The following SORCS2 variants were observed in gnomAD, a reference collection of about 807,000 sequenced individuals.
SORCS2 encodes the protein sortilin related VPS10 domain containing receptor 2, also known as VPS10 domain-containing receptor SorCS2.
Under a neutral mutation model 141.6 loss-of-function variants are expected in SORCS2, and 100 were observed. That is an observed-to-expected ratio of 0.71 (90% CI 0.60 to 0.83). The LOEUF (loss-of-function observed/expected upper bound fraction) is 0.83. Ranked by LOEUF, SORCS2 falls within the 40% of genes least tolerant of loss-of-function variation. The pLI is 0.00. For missense variants in SORCS2, 1,646 were observed against 1,560.2 expected (o/e 1.05, Z -0.93); for synonymous variants, 789 against 676.9 (o/e 1.17, Z -2.57).
At chr4:7,507,553 A>C (rs1732344500) in intron 2 of SORCS2, among the ~76,000 whole-genome samples, 1 of 152,240 alleles carries the variant, frequency 6.6e-6, no homozygotes, top group Admixed American at 6.5e-5. Context: ...AAACCAAAGA[A>C]AGAGAACTTG....
chr4:7,222,502 A>C (rs1296361708), intron 1 of SORCS2, among the ~76,000 whole-genome samples: 1 of 142,956 alleles, frequency 7.0e-6, no homozygotes, highest in African/African-American at 2.7e-5. Flanking sequence ...TGGGGGTGGT[A>C]GCTAACGGGC....
chr4:7,347,868 C>T (rs1455557981), intron 1 of SORCS2, among the ~76,000 whole-genome samples: 2 of 152,170 alleles, frequency 1.3e-5, no homozygotes, highest in East Asian at 3.8e-4. Flanking sequence ...TATGATCGCA[C>T]AATTAATGAG....
At chr4:7,674,671 G>A (rs1485280580) in intron 8 of SORCS2, among the ~76,000 whole-genome samples, 1 of 151,880 alleles carries the variant, frequency 6.6e-6, no homozygotes, top group Non-Finnish European at 1.5e-5. Flanking sequence ...AGGGCAGTGA[G>A]GGGAAGGGGC....
In SORCS2 at chr4:7,531,638, T is replaced by C. The variant is rs769233610; in HGVS notation, c.648+9T>C. 2.7e-4 allele frequency: 438 copies of C among 1,610,422 alleles called. No homozygotes were observed. The highest frequency in any genetic ancestry group is 3.3e-4 in the Non-Finnish European group (386 of 1,178,458). ...CGACCAACAAGAGGAAGGTAGGTGCTGGCTGGGGGTGGCCGCCACTCTGGC... is the reference window on the plus strand; with the variant it reads ...CGACCAACAAGAGGAAGGTAGGTGCCGGCTGGGGGTGGCCGCCACTCTGGC... On this transcript the variant is annotated intron_variant, in intron 3 of 26. Coordinates refer to ENST00000507866, the MANE Select transcript of SORCS2 (RefSeq NM_020777.3).
At chr4:7,514,087 G>T (rs1467073694) in intron 2 of SORCS2, among the ~76,000 whole-genome samples, 2 of 152,138 alleles carry the variant, frequency 1.3e-5, no homozygotes, top group Non-Finnish European at 2.9e-5. Flanking sequence ...ACACAGGTGG[G>T]GCCAGTGGAC....
intron 3 of SORCS2, among the ~76,000 whole-genome samples, chr4:7,592,690 G>A (rs1717000014): frequency 6.6e-6 from 1 of 152,232 alleles, no homozygotes; most frequent in Admixed American, 6.5e-5. Context: ...ACCCACTATG[G>A]ACAAATAGCA....
chr4:7,517,391 A>G (rs1733056581), intron 2 of SORCS2, among the ~76,000 whole-genome samples: 1 of 152,150 alleles, frequency 6.6e-6, no homozygotes, highest in Non-Finnish European at 1.5e-5. Context: ...AAATATTATC[A>G]TGCATGTTTT....
chr4:7,328,052 G>A (rs1422822199), intron 1 of SORCS2, among the ~76,000 whole-genome samples: 1 of 115,854 alleles, frequency 8.6e-6, no homozygotes, highest in Non-Finnish European at 1.7e-5. Flanking sequence ...TTGAGACCAA[G>A]TCTTGCTCTA....
At chr4:7,400,304 G>A (rs1234932191) in intron 2 of SORCS2, among the ~76,000 whole-genome samples, 1 of 152,266 alleles carries the variant, frequency 6.6e-6, no homozygotes, top group Non-Finnish European at 1.5e-5. Flanking sequence ...AGTGCATGTG[G>A]CACCAACCCC....
intron 2 of SORCS2, among the ~76,000 whole-genome samples, chr4:7,448,732 TCCG>T (rs1416743718): frequency 9.1e-5 from 9 of 99,198 alleles, no homozygotes; most frequent in Non-Finnish European, 1.3e-4. Flanking sequence ...CTCCCTCCCT[TCCG>T]TACTTCCTCT....
At chr4:7,483,136 C>A (rs923253168) in intron 2 of SORCS2, among the ~76,000 whole-genome samples, 1 of 151,846 alleles carries the variant, frequency 6.6e-6, no homozygotes, top group South Asian at 2.1e-4. Flanking sequence ...CTGGCTAACA[C>A]GGTGAAACCC....
intron 3 of SORCS2, among the ~76,000 whole-genome samples, chr4:7,635,774 C>T (rs577502304): frequency 3.3e-5 from 5 of 152,260 alleles, no homozygotes; most frequent in African/African-American, 7.2e-5. Flanking sequence ...CACCTTCGTC[C>T]GCATTTCAGG....
chr4:7,328,778 C>A (rs555602925), intron 1 of SORCS2, among the ~76,000 whole-genome samples: 1 of 152,304 alleles, frequency 6.6e-6, no homozygotes, highest in East Asian at 1.9e-4. Flanking sequence ...AGTCTGTGGC[C>A]CCGACCAGGG....
chr4:7,707,185 A>G (rs1278050329), intron 14 of SORCS2, among the ~76,000 whole-genome samples: 1 of 152,164 alleles, frequency 6.6e-6, no homozygotes, highest in Non-Finnish European at 1.5e-5. Flanking sequence ...ATGCACGTTT[A>G]TTGAGCACCT....
chr4:7,621,318 ATGTGTCTATGTGTGAGTGTTTATGTG>A (rs1345138675), intron 3 of SORCS2, among the ~76,000 whole-genome samples: 2 of 151,714 alleles, frequency 1.3e-5, no homozygotes, highest in Admixed American at 6.6e-5. Context: ...GTGTCTGTGT[ATGTGTCTATGTGTGAGTGTTTATGTG>A]TGTGTCTATG....
intron 2 of SORCS2, among the ~76,000 whole-genome samples, chr4:7,451,363 C>A (rs1362478131): frequency 6.6e-6 from 1 of 152,240 alleles, no homozygotes. Flanking sequence ...CAAGCCACTG[C>A]CCTCCCTTGG....
intron 24 of SORCS2, among the ~76,000 whole-genome samples, chr4:7,733,637 G>A (rs1165225414): frequency 2.0e-5 from 3 of 152,168 alleles, no homozygotes; most frequent in Non-Finnish European, 4.4e-5. Context: ...TGATACCCAC[G>A]CTTCGGGTCT....
intron 3 of SORCS2, among the ~76,000 whole-genome samples, chr4:7,616,939 G>T (rs930078919): frequency 6.6e-6 from 1 of 152,156 alleles, no homozygotes; most frequent in African/African-American, 2.4e-5. Flanking sequence ...GCCCCACAAG[G>T]CCCCTGAGCC....
intron 11 of SORCS2, among the ~76,000 whole-genome samples, chr4:7,693,521 T>C (rs1166847592): frequency 2.0e-5 from 3 of 152,234 alleles, no homozygotes; most frequent in Non-Finnish European, 2.9e-5. Context: ...TTATGGAGCC[T>C]GCTCCCTGCA....
Sources: gnomAD v4.1 joint callset for allele counts (sites outside exome capture counted in the v4.1 genomes callset) on GRCh38, gnomAD v4.1.1 for gene constraint, MANE v1.5 for transcripts, NCBI Gene and HGNC (gene_info 2026-07-23, HGNC 2026-07-21) for gene names.